The following SEC24B variants were observed in gnomAD, a reference collection of about 807,000 sequenced individuals.
The protein encoded by SEC24B is protein transport protein Sec24B.
Under a neutral mutation model 142.8 loss-of-function variants are expected in SEC24B, and 45 were observed. The ratio of observed to expected loss-of-function variants is 0.32; its 90% CI spans 0.25 to 0.40. The LOEUF is 0.40. Among genes scored for constraint, SEC24B ranks in the 10% least tolerant of loss-of-function variants. The pLI, the probability that SEC24B is intolerant of heterozygous loss-of-function variation, is 1.00. For synonymous variants in SEC24B, 574 were observed against 568.2 expected (o/e 1.01, Z -0.15); for missense variants, 1,409 against 1,526.8 (o/e 0.92, Z 1.29).
chr4:109,538,927 G>A (rs1725862743), intron 23 of SEC24B, among the ~76,000 whole-genome samples: 1 of 151,782 alleles, frequency 6.6e-6, no homozygotes, highest in African/African-American at 2.4e-5. Flanking sequence ...TGGGACTGCA[G>A]GCACTTCCCT....
At chr4:109,480,096 A>T (rs1004769038) in intron 3 of SEC24B, among the ~76,000 whole-genome samples, 4 of 152,196 alleles carry the variant, frequency 2.6e-5, no homozygotes, top group Non-Finnish European at 5.9e-5. Flanking sequence ...ATATTAAAAG[A>T]TGTTTCAGCA....
At position 109,438,062 on chromosome 4, in the gene SEC24B, A is replaced by G. The variant is rs186848878; in HGVS notation, c.133+4060A>G. On this transcript the variant is annotated intron_variant, in intron 1 of 23. Coordinates refer to ENST00000265175, the MANE Select transcript of SEC24B (RefSeq NM_006323.5). ...TTTTTAAGCACAGTTTGAAAAACAC[A>G]TAGTTTGGATCCCTACCTTTACAGA... 2.8e-3 allele frequency among the ~76,000 whole-genome samples: 424 copies of G among 152,350 alleles called. 3 individuals are homozygous for G. Among genetic ancestry groups the G allele is most frequent in the African/African-American group, 9.5e-3 (395 of 41,584 alleles).
rs528692237 is a variant in SEC24B, at chr4:109,494,100, A to AT, written c.1247-509dup. Among the ~76,000 whole-genome samples the AT allele has an allele frequency of 3.9e-5, 6 of 152,240 alleles. No individual in the cohort carries two copies. The East Asian group carries it at 1.2e-3, about 29-fold the overall frequency. ...GTGGTGCTTAGTCTCTGCTGAGAGA[A>AT]TTTTTTAAAACTTTATTAACTTTGT... is the stretch of plus-strand genomic sequence containing the variant. On this transcript the variant is annotated intron_variant, in intron 5 of 23. Coordinates refer to ENST00000265175, the MANE Select transcript of SEC24B (RefSeq NM_006323.5).
rs1156353125 is a variant in SEC24B at position 109,494,947 on chromosome 4, G to A, written c.1488+91G>A. 17 of 1,479,260 alleles carry A rather than the reference G, an allele frequency of 1.1e-5. No homozygotes were observed. In the Admixed American group the frequency reaches 3.1e-4, roughly 27 times the overall value. The allele number at this position is 1,479,260 out of a possible 1,614,324, so 91.6% of individuals were successfully genotyped here. A position where few individuals can be genotyped will look rare whatever the true frequency, so the allele number is the denominator to read the frequency against. ...GGGATTTGTACCTGTGATCCAAGTG[G>A]AACTTAGGTACAAATACATGTCAGC... On this transcript the variant is annotated intron_variant, in intron 6 of 23. Coordinates refer to ENST00000265175, the MANE Select transcript of SEC24B (RefSeq NM_006323.5).
intron 6 of SEC24B, among the ~76,000 whole-genome samples, chr4:109,501,237 G>A (rs1386398768): frequency 1.3e-5 from 2 of 152,192 alleles, no homozygotes; most frequent in Non-Finnish European, 2.9e-5. Flanking sequence ...TAACAGTGCT[G>A]TACAGGTTTG....
At chr4:109,513,299 TC>T (rs1412805659) in intron 9 of SEC24B, among the ~76,000 whole-genome samples, 4 of 140,360 alleles carry the variant, frequency 2.8e-5, no homozygotes, top group African/African-American at 1.2e-4. Context: ...TTTTTTTTTT[TC>T]GGAGACAGAG....
intron 7 of SEC24B, among the ~76,000 whole-genome samples, chr4:109,507,163 G>A (rs1736773848): frequency 6.6e-6 from 1 of 151,966 alleles, no homozygotes; most frequent in Non-Finnish European, 1.5e-5. Flanking sequence ...TGTATCCTAT[G>A]AATAGGATAT....
chr4:109,456,339 T>G lies in SEC24B; in HGVS notation c.134-6562T>G, dbSNP rs567976478. 6.3e-4 allele frequency among the ~76,000 whole-genome samples: 94 copies of G among 149,628 alleles called. 1 individual carries two copies. The East Asian group carries it at 0.011, about 18-fold the overall frequency. The stretch of plus-strand genomic sequence containing the variant: ...AATAAAGACAGGTTTTTTTTGTTTT[T>G]TTTTTTTTTTTTTTACTCCTTTCCA... On this transcript the variant is annotated intron_variant, in intron 1 of 23. Transcript: ENST00000265175.
chr4:109,487,295 G>A (rs1232438732), intron 4 of SEC24B, among the ~76,000 whole-genome samples: 1 of 152,122 alleles, frequency 6.6e-6, no homozygotes, highest in African/African-American at 2.4e-5. Context: ...TGAAGGATGA[G>A]TAGTAATTTG....
intron 1 of SEC24B, among the ~76,000 whole-genome samples, chr4:109,435,809 CCT>C (rs1284764671): frequency 6.6e-6 from 1 of 152,198 alleles, no homozygotes; most frequent in Non-Finnish European, 1.5e-5. Context: ...AGAGTCCCTG[CCT>C]CTCTCCTGAC....
chr4:109,520,612 AT>A (rs530791393), intron 12 of SEC24B, 128 bp downstream of exon 12: 96 of 697,442 alleles, frequency 1.4e-4, no homozygotes, highest in Non-Finnish European at 2.2e-4. Context: ...GTTCAAAATA[AT>A]TGTTTTTCTG....
intron 11 of SEC24B, among the ~76,000 whole-genome samples, chr4:109,517,106 C>T (rs901791070): frequency 2.0e-5 from 3 of 152,154 alleles, no homozygotes; most frequent in African/African-American, 7.2e-5. Context: ...ATCCAGCAAT[C>T]CCACTACTTG....
intron 2 of SEC24B, among the ~76,000 whole-genome samples, chr4:109,471,983 A>G (rs1481648325): frequency 6.6e-6 from 1 of 152,232 alleles, no homozygotes; most frequent in African/African-American, 2.4e-5. Flanking sequence ...TTAATCTTCC[A>G]CAATGATAGT....
chr4:109,443,350 T>C (rs896354068), intron 1 of SEC24B, among the ~76,000 whole-genome samples: 18 of 152,184 alleles, frequency 1.2e-4, no homozygotes, highest in African/African-American at 4.1e-4. Context: ...TACCATCAAT[T>C]TTGATCTTAA....
In SEC24B at chr4:109,513,872, T is replaced by A; in HGVS notation, c.2013+16T>A. ...AGATTACATGGTAACTATTCAGTGT[T>A]AAGATTTGTTATGGAACACAATTAC... On this transcript the variant is annotated intron_variant, in intron 10 of 23. Transcript: ENST00000265175. 1 of 1,458,618 alleles carries A rather than the reference T, an allele frequency of 6.9e-7. No individual in the cohort carries two copies. The highest frequency in any genetic ancestry group is 9.6e-7 in the Non-Finnish European group (1 of 1,038,878). The allele number at this position is 1,458,618 out of a possible 1,614,324, so 90.4% of individuals were successfully genotyped here.
intron 1 of SEC24B, among the ~76,000 whole-genome samples, chr4:109,458,416 G>A (rs140689837): frequency 2.0e-5 from 3 of 152,044 alleles, no homozygotes; most frequent in Non-Finnish European, 4.4e-5. Flanking sequence ...TTATTGCTGG[G>A]CATCCTGACA....
At position 109,506,246 on chromosome 4, in the gene SEC24B, G is replaced by A. The variant is rs1578927084; in HGVS notation, c.1489-82G>A. Reference sequence around the variant, plus strand: ...ATTTTCTTACCTTTTTGCTTTTTCTGTATGTTGAGATATGTAGTATATATA... The same window carrying A: ...ATTTTCTTACCTTTTTGCTTTTTCTATATGTTGAGATATGTAGTATATATA... On this transcript the variant is annotated intron_variant, in intron 6 of 23. Coordinates refer to ENST00000265175, the MANE Select transcript of SEC24B (RefSeq NM_006323.5). 7.0e-6 allele frequency: 7 copies of A among 998,206 alleles called. No homozygotes were observed. The East Asian group carries it at 2.3e-4, about 32-fold the overall frequency. 61.8% of individuals were successfully genotyped at this position (998,206 alleles called of 1,614,324 possible).
chr4:109,490,141 T>C (rs1412140281), intron 4 of SEC24B, among the ~76,000 whole-genome samples: 1 of 152,094 alleles, frequency 6.6e-6, no homozygotes, highest in Admixed American at 6.5e-5. Flanking sequence ...AGAAGAGTTA[T>C]ATAGCAAGTT....
At chr4:109,489,413 A>G (rs1211563909) in intron 4 of SEC24B, among the ~76,000 whole-genome samples, 1 of 150,354 alleles carries the variant, frequency 6.7e-6, no homozygotes, top group Non-Finnish European at 1.5e-5. Flanking sequence ...ATAACATAAA[A>G]TTAACTGTTT....
Sources: allele counts gnomAD v4.1 joint callset (sites outside exome capture counted in the v4.1 genomes callset), GRCh38; gene constraint gnomAD v4.1.1; transcripts MANE v1.5; gene names NCBI Gene and HGNC (gene_info 2026-07-23, HGNC 2026-07-21).